The following RIMS1 variants were observed in gnomAD, a reference collection of about 807,000 sequenced individuals.
RIMS1 encodes the protein regulating synaptic membrane exocytosis protein 1.
A neutral mutation model predicts 214.1 loss-of-function variants in RIMS1; 83 were observed. The observed-to-expected ratio is 0.39, with a 90% CI of 0.32 to 0.47. The LOEUF (loss-of-function observed/expected upper bound fraction) is 0.47, where lower values mean the gene tolerates loss of function less well. Ranked by LOEUF, RIMS1 falls within the 20% of genes least tolerant of loss-of-function variation. The pLI is 0.99. For synonymous variants in RIMS1, 793 were observed against 786.8 expected (o/e 1.01, Z -0.13); for missense variants, 2,050 against 2,161.8 (o/e 0.95, Z 1.03).
chr6:72,110,515 G>T (rs1241620783), intron 4 of RIMS1, among the ~76,000 whole-genome samples: 1 of 149,200 alleles, frequency 6.7e-6, no homozygotes, highest in African/African-American at 2.5e-5. Flanking sequence ...TCTGTTATTG[G>T]TGTATAAGAA....
rs1454217518 is a variant in RIMS1 at position 72,294,647 on chromosome 6, A to T, written c.3850+2601A>T. On this transcript the variant is annotated intron_variant, in intron 26 of 33. Transcript: ENST00000521978. Reference sequence around the variant, plus strand: ...ACAATTTGACTGTTTCACTGGAAGTATTTTTTTTCTTATAAATCAAATATA... The same window carrying T: ...ACAATTTGACTGTTTCACTGGAAGTTTTTTTTTTCTTATAAATCAAATATA... 2.0e-5 allele frequency among the ~76,000 whole-genome samples: 3 copies of T among 151,536 alleles called. No individual in the cohort carries two copies. In the East Asian group the frequency reaches 5.8e-4, roughly 29 times the overall value.
chr6:71,963,149 G>T (rs578175896), intron 1 of RIMS1, among the ~76,000 whole-genome samples: 1 of 152,146 alleles, frequency 6.6e-6, no homozygotes, highest in East Asian at 1.9e-4. Context: ...TAACTTCACA[G>T]TTGATGTTTA....
At chr6:72,338,920 A>T (rs1406602037) in intron 29 of RIMS1, among the ~76,000 whole-genome samples, 1 of 151,782 alleles carries the variant, frequency 6.6e-6, no homozygotes, top group Non-Finnish European at 1.5e-5. Context: ...AGATTTTGAA[A>T]TAAGTTCAAG....
chr6:72,318,195 T>A (rs1368618570), intron 28 of RIMS1, among the ~76,000 whole-genome samples: 1 of 152,220 alleles, frequency 6.6e-6, no homozygotes, highest in Non-Finnish European at 1.5e-5. Flanking sequence ...GGCTAGCTTA[T>A]CAATTTGCAT....
intron 2 of RIMS1, among the ~76,000 whole-genome samples, chr6:72,021,771 T>G (rs1814759160): frequency 6.6e-6 from 1 of 152,144 alleles, no homozygotes; most frequent in Non-Finnish European, 1.5e-5. Flanking sequence ...GTGGCTTTCA[T>G]TCCCAAGTTT....
chr6:72,081,860 ATAGT>A (rs1049016209), intron 2 of RIMS1, among the ~76,000 whole-genome samples: 3 of 152,184 alleles, frequency 2.0e-5, no homozygotes, highest in Admixed American at 6.5e-5. Flanking sequence ...TATTTAGATG[ATAGT>A]TAGGTTTTAT....
chr6:72,371,181 G>A (rs2098208135), intron 29 of RIMS1, among the ~76,000 whole-genome samples: 1 of 152,100 alleles, frequency 6.6e-6, no homozygotes, highest in Non-Finnish European at 1.5e-5. Flanking sequence ...GTGTGCACAT[G>A]TGTGGTCTGG....
intron 6 of RIMS1, among the ~76,000 whole-genome samples, chr6:72,200,918 A>G (rs529847038): frequency 2.3e-4 from 34 of 150,220 alleles, no homozygotes; most frequent in African/African-American, 5.1e-4. Flanking sequence ...TAACATGCCA[A>G]TTTCTTATTT....
intron 23 of RIMS1, among the ~76,000 whole-genome samples, chr6:72,282,174 T>G (rs2090436167): frequency 6.6e-6 from 1 of 152,154 alleles, no homozygotes; most frequent in South Asian, 2.1e-4. Context: ...CCTTGAGCAC[T>G]GTGGGGACCA....
intron 4 of RIMS1, among the ~76,000 whole-genome samples, chr6:72,123,399 G>A (rs1054310837): frequency 9.2e-5 from 14 of 151,836 alleles, no homozygotes; most frequent in Non-Finnish European, 1.6e-4. Flanking sequence ...CCACCATGTG[G>A]TCAGTTTTGG....
chr6:72,314,007 G>A (rs190344194), intron 28 of RIMS1, among the ~76,000 whole-genome samples: 11 of 152,238 alleles, frequency 7.2e-5, no homozygotes, highest in Non-Finnish European at 1.5e-4. Context: ...CAGTCTTTGT[G>A]GCAACTACTC....
At chr6:71,985,660 A>G (rs998619729) in intron 2 of RIMS1, among the ~76,000 whole-genome samples, 3 of 152,124 alleles carry the variant, frequency 2.0e-5, no homozygotes, top group African/African-American at 7.2e-5. Flanking sequence ...AGTAATTGGT[A>G]CTTTCTTTTT....
intron 23 of RIMS1, among the ~76,000 whole-genome samples, chr6:72,282,006 A>G (rs1435217375): frequency 1.3e-5 from 2 of 151,790 alleles, no homozygotes; most frequent in African/African-American, 4.8e-5. Context: ...AACAGTGCCT[A>G]GTATATATAC....
chr6:72,221,291 AGTGTGTGT>A (rs71540331), intron 6 of RIMS1, among the ~76,000 whole-genome samples: 3 of 138,622 alleles, frequency 2.2e-5, no homozygotes, highest in African/African-American at 5.3e-5. Flanking sequence ...ATCTGGGGTG[AGTGTGTGT>A]GTGTGTGTGT....
At chr6:72,266,424 T>C in intron 22 of RIMS1, 1 of 289,450 alleles carries the variant, frequency 3.5e-6, no homozygotes, top group East Asian at 8.2e-5. Flanking sequence ...ACTTTCCTCT[T>C]AGTACCACTG....
chr6:72,275,168 A>G (rs2085682834), intron 23 of RIMS1, among the ~76,000 whole-genome samples: 2 of 26,594 alleles, frequency 7.5e-5, no homozygotes, highest in African/African-American at 1.5e-4. Flanking sequence ...ATATATATAT[A>G]TATATATATA....
intron 24 of RIMS1, 82 bp from the exon 25 acceptor site, chr6:72,290,597 G>C: frequency 2.4e-6 from 3 of 1,233,222 alleles, no homozygotes; most frequent in Non-Finnish European, 3.4e-6. Flanking sequence ...CGAGTAACCA[G>C]GTTTTCCTTG....
rs1327929309 is a variant in RIMS1 at position 72,182,538 on chromosome 6, G to A, written c.1067G>A (p.Arg356His). Residue 356 changes from arginine to histidine, a missense_variant, in exon 6 of 34, where the codon CGC becomes CAC. By Grantham distance (29) the Arg-to-His change is conservative. Around this residue, in one of 6 missense-constraint regions of RIMS1, gnomAD observed 882 missense variants for 828.9 expected, o/e 1.06. Coordinates refer to ENST00000521978, the MANE Select transcript of RIMS1 (RefSeq NM_014989.7). ...RKEEDYQTRY[R>H]SDPNLARYPV... ...GAGGAGGATTATCAGACCAGGTACC[G>A]CAGCGACCCGAACCTAGCTCGGTAC... 5.8e-6 allele frequency: 9 copies of A among 1,560,108 alleles called. No homozygotes were observed. The highest frequency in any genetic ancestry group is 4.1e-5 in the African/African-American group (3 of 73,446).
At chr6:72,282,571 C>G (rs2090658085) in intron 23 of RIMS1, among the ~76,000 whole-genome samples, 2 of 152,204 alleles carry the variant, frequency 1.3e-5, no homozygotes, top group Admixed American at 1.3e-4. Context: ...CTCTTCCACT[C>G]TCTTTGCTGT....
Sources: gnomAD v4.1 joint callset for allele counts (sites outside exome capture counted in the v4.1 genomes callset) on GRCh38, gnomAD v4.1.1 for gene constraint, gnomAD v4.1.1 regional missense constraint, MANE v1.5 for transcripts, NCBI Gene and HGNC (gene_info 2026-07-23, HGNC 2026-07-21) for gene names.